The following GRIK4 variants were observed in gnomAD, a reference collection of about 807,000 sequenced individuals.
GRIK4 encodes glutamate ionotropic receptor kainate type subunit 4, also known as glutamate receptor ionotropic, kainate 4.
GRIK4 carries 40 observed loss-of-function variants against 104.9 expected under a neutral mutation model. The ratio of observed to expected loss-of-function variants is 0.38; its 90% CI spans 0.30 to 0.50. The LOEUF (loss-of-function observed/expected upper bound fraction) is 0.50, where lower values mean the gene tolerates loss of function less well. Among genes scored for constraint, GRIK4 ranks in the 20% least tolerant of loss-of-function variants. The pLI, the probability that GRIK4 is intolerant of heterozygous loss-of-function variation, is 0.93. For missense variants in GRIK4, 1,047 were observed against 1,308.1 expected, an observed-to-expected ratio of 0.80 and a Z score of 3.08; for synonymous variants, 485 against 524.9, an observed-to-expected ratio of 0.92 and a Z score of 1.04.
chr11:120,942,750 G>T (rs1943755180), intron 14 of GRIK4, among the ~76,000 whole-genome samples: 1 of 152,184 alleles, frequency 6.6e-6, no homozygotes, highest in African/African-American at 2.4e-5. Flanking sequence ...TTTCTGGGAT[G>T]ACAACTTTTC....
intron 11 of GRIK4, among the ~76,000 whole-genome samples, chr11:120,886,062 G>T (rs776163716): frequency 6.6e-6 from 1 of 152,192 alleles, no homozygotes; most frequent in Non-Finnish European, 1.5e-5. Context: ...AGACAAGTAC[G>T]GTTGATCCTC....
chr11:120,941,317 G>A (rs1418016337), intron 14 of GRIK4, among the ~76,000 whole-genome samples: 1 of 152,098 alleles, frequency 6.6e-6, no homozygotes, highest in South Asian at 2.1e-4. Context: ...CCTGTACCTC[G>A]AGGCTGCCCA....
intron 3 of GRIK4, among the ~76,000 whole-genome samples, chr11:120,792,811 A>G (rs1952427363): frequency 2.0e-5 from 3 of 152,096 alleles, no homozygotes; most frequent in Admixed American, 1.3e-4. Context: ...GTTCATGGAG[A>G]TGTCACCAGG....
chr11:120,585,248 T>A (rs1049920866), intron 1 of GRIK4, among the ~76,000 whole-genome samples: 8 of 152,232 alleles, frequency 5.3e-5, no homozygotes, highest in African/African-American at 1.9e-4. Flanking sequence ...CTATTGTGAA[T>A]AATGGTGCTG....
intron 9 of GRIK4, chr11:120,862,343 G>A (rs1954286133): frequency 2.2e-6 from 1 of 447,300 alleles, no homozygotes; most frequent in African/African-American, 2.0e-5. Context: ...GAGGCACTGA[G>A]TTGTCACTTA....
intron 3 of GRIK4, among the ~76,000 whole-genome samples, chr11:120,695,372 C>G (rs1356172665): frequency 3.9e-5 from 6 of 152,192 alleles, no homozygotes; most frequent in Non-Finnish European, 7.3e-5. Context: ...CCATGTCCTA[C>G]CGTGAAGGGC....
At chr11:120,830,507 G>C (rs893687914) in intron 6 of GRIK4, among the ~76,000 whole-genome samples, 1 of 152,096 alleles carries the variant, frequency 6.6e-6, no homozygotes, top group Non-Finnish European at 1.5e-5. Flanking sequence ...AAAGTCTTCC[G>C]GGGTTGTAGT....
intron 7 of GRIK4, among the ~76,000 whole-genome samples, chr11:120,833,095 C>T (rs1226939734): frequency 6.6e-6 from 1 of 150,800 alleles, no homozygotes; most frequent in Non-Finnish European, 1.5e-5. Flanking sequence ...CTCCCTCCCT[C>T]CCAGCTGCCC....
intron 3 of GRIK4, among the ~76,000 whole-genome samples, chr11:120,677,114 A>T (rs754243380): frequency 6.6e-6 from 1 of 152,196 alleles, no homozygotes; most frequent in Admixed American, 6.5e-5. Flanking sequence ...CTCTTCCATT[A>T]CTGCAACTGA....
At chr11:120,965,429 G>A (rs1170270143) in intron 18 of GRIK4, among the ~76,000 whole-genome samples, 1 of 152,186 alleles carries the variant, frequency 6.6e-6, no homozygotes. Context: ...AGTACTTACT[G>A]TACTTGAAGC....
At chr11:120,621,898 T>C (rs1949194298) in intron 1 of GRIK4, among the ~76,000 whole-genome samples, 1 of 152,042 alleles carries the variant, frequency 6.6e-6, no homozygotes, top group African/African-American at 2.4e-5. Context: ...TTATTATTAT[T>C]GTTTTAATTT....
intron 13 of GRIK4, among the ~76,000 whole-genome samples, chr11:120,934,333 G>T (rs1239519545): frequency 6.6e-6 from 1 of 151,986 alleles, no homozygotes; most frequent in Non-Finnish European, 1.5e-5. Flanking sequence ...AGATGAGAAG[G>T]CTTTGCTGTC....
intron 1 of GRIK4, among the ~76,000 whole-genome samples, chr11:120,618,910 G>C (rs1262870735): frequency 6.6e-6 from 1 of 152,230 alleles, no homozygotes; most frequent in Non-Finnish European, 1.5e-5. Context: ...TACGAGGGCA[G>C]CAGTGCAAAG....
intron 13 of GRIK4, among the ~76,000 whole-genome samples, chr11:120,926,685 G>C (rs1264943884): frequency 6.6e-6 from 1 of 152,168 alleles, no homozygotes; most frequent in East Asian, 1.9e-4. Context: ...TCTTGGATTT[G>C]TCTATTCATT....
chr11:120,626,016 G>GA (rs953256549), intron 1 of GRIK4, among the ~76,000 whole-genome samples: 8 of 152,182 alleles, frequency 5.3e-5, no homozygotes, highest in African/African-American at 1.7e-4. Context: ...CAAGGAGGAT[G>GA]AAATTAAAGG....
chr11:120,796,066 C>G (rs563123584), intron 3 of GRIK4, among the ~76,000 whole-genome samples: 47 of 145,400 alleles, frequency 3.2e-4, no homozygotes, highest in African/African-American at 1.2e-3. Context: ...GACGGGGTCT[C>G]GCTCTGTTGC....
At chr11:120,517,738 T>C (rs1947748486) in intron 1 of GRIK4, among the ~76,000 whole-genome samples, 1 of 151,374 alleles carries the variant, frequency 6.6e-6, no homozygotes, top group Admixed American at 6.6e-5. Flanking sequence ...CCCAGTTGAG[T>C]GTGATAGTCC....
chr11:120,780,909 T>C (rs1259099277), intron 3 of GRIK4, among the ~76,000 whole-genome samples: 1 of 151,882 alleles, frequency 6.6e-6, no homozygotes, highest in Non-Finnish European at 1.5e-5. Context: ...GCCTGGCTAA[T>C]TTTTTTGCAT....
chr11:120,925,788 T>A (rs969916650), intron 13 of GRIK4, among the ~76,000 whole-genome samples: 10 of 151,998 alleles, frequency 6.6e-5, no homozygotes, highest in African/African-American at 2.4e-4. Flanking sequence ...CTGGCCAACA[T>A]GGTGAAACCC....
Sources: gnomAD v4.1 joint callset for allele counts (sites outside exome capture counted in the v4.1 genomes callset) on GRCh38, gnomAD v4.1.1 for gene constraint, MANE v1.5 for transcripts, NCBI Gene and HGNC (gene_info 2026-07-23, HGNC 2026-07-21) for gene names.